Variants in ACTR8 observed in about 807,000 individuals in gnomAD.
ACTR8 encodes actin related protein 8.
ACTR8 carries 70 observed loss-of-function variants against 84.3 expected under a neutral mutation model. The ratio of observed to expected loss-of-function variants is 0.83; its 90% CI spans 0.68 to 1.01. ACTR8 has a LOEUF of 1.01. Ranked by LOEUF, ACTR8 falls within the 50% of genes least tolerant of loss-of-function variation. The probability of loss-of-function intolerance (pLI) is 0.00; values close to 1 mark genes in which losing one functional copy is unlikely to be tolerated. For missense variants in ACTR8, 672 were observed against 775.4 expected (o/e 0.87, Z 1.58); for synonymous variants, 268 against 275.2 (o/e 0.97, Z 0.26).
At chr3:53,879,486 A>T (rs1559795601) in intron 2 of ACTR8, among the ~76,000 whole-genome samples, 1 of 150,798 alleles carries the variant, frequency 6.6e-6, no homozygotes, top group Non-Finnish European at 1.5e-5. Context: ...CTGCAAGAAA[A>T]TTTTTTTTTT....
At chr3:53,869,095 C>A (rs1699844219) in intron 12 of ACTR8, among the ~76,000 whole-genome samples, 1 of 152,214 alleles carries the variant, frequency 6.6e-6, no homozygotes, top group Non-Finnish European at 1.5e-5. Context: ...TCCTGGCTAA[C>A]ACGGTGGAAT....
rs1057233167 is a variant in ACTR8, at chr3:53,868,662, A to T, written c.*57T>A. 4.4e-6 allele frequency: 7 copies of T among 1,591,552 alleles called. No homozygotes were observed. The African/African-American group carries it at 8.1e-5, about 18-fold the overall frequency. On this transcript the variant is annotated 3_prime_UTR_variant, in exon 13 of 13. Coordinates refer to ENST00000335754, the MANE Select transcript of ACTR8 (RefSeq NM_022899.5). ...AATTACAATACACATATTCTGTAAG[A>T]GTCTTTTATACCAAGAAGCTTGTTT...
At chr3:53,881,763 T>A (rs1225051579) in intron 1 of ACTR8, 5 of 702,408 alleles carry the variant, frequency 7.1e-6, no homozygotes, top group Non-Finnish European at 1.2e-5. Flanking sequence ...GCGGTGTCCC[T>A]GCGGGGGCTC....
rs931310408 is a variant in ACTR8, at chr3:53,868,339, C to T, written c.*380G>A. Reference sequence around the variant, plus strand: ...ATGGCATGAGTGGACAGTTCTCCCTCGTCACATACTATCCCTCATGGTTGC... The same window carrying T: ...ATGGCATGAGTGGACAGTTCTCCCTTGTCACATACTATCCCTCATGGTTGC... On this transcript the variant is annotated 3_prime_UTR_variant, in exon 13 of 13. Transcript: ENST00000335754. The T allele has an allele frequency of 2.3e-5, 4 of 171,406 alleles. No homozygotes were observed. Among genetic ancestry groups the T allele is most frequent in the Non-Finnish European group, 4.9e-5 (4 of 81,042 alleles). The allele number at this position is 171,406 out of a possible 1,614,324, so 10.6% of individuals were successfully genotyped here. A position where few individuals can be genotyped will look rare whatever the true frequency, so the allele number is the denominator to read the frequency against.
intron 8 of ACTR8, among the ~76,000 whole-genome samples, chr3:53,873,532 A>G (rs1327510877): frequency 6.6e-6 from 1 of 152,222 alleles, no homozygotes; most frequent in Non-Finnish European, 1.5e-5. Context: ...TTAAACATTG[A>G]TTGTTTGCAA....
intron 2 of ACTR8, among the ~76,000 whole-genome samples, chr3:53,879,393 G>A (rs1015335356): frequency 6.6e-6 from 1 of 152,128 alleles, no homozygotes; most frequent in Non-Finnish European, 1.5e-5. Flanking sequence ...TGTGGATTAT[G>A]ATGTAATATA....
chr3:53,867,765 C>A lies in ACTR8; in HGVS notation c.*954G>T. 1 of 152,340 alleles carries A rather than the reference C, an allele frequency of 6.6e-6. No homozygotes were observed. Among genetic ancestry groups the A allele is most frequent in the Non-Finnish European group, 1.5e-5 (1 of 68,056 alleles). The allele number at this position is 152,340 out of a possible 1,614,324, so 9.4% of individuals were successfully genotyped here. A position where few individuals can be genotyped will look rare whatever the true frequency, so the allele number is the denominator to read the frequency against. ...CAGAGGGCTTCACCAGAGCCTGGACCACCAGTGGTAATAGCTGCATTATTT... is the reference window on the plus strand; with the variant it reads ...CAGAGGGCTTCACCAGAGCCTGGACAACCAGTGGTAATAGCTGCATTATTT... On this transcript the variant is annotated 3_prime_UTR_variant, in exon 13 of 13. Transcript: ENST00000335754.
At chr3:53,866,324 C>T (rs531648233), downstream of ACTR8, among the ~76,000 whole-genome samples, 11 of 152,014 alleles carry the variant, frequency 7.2e-5, no homozygotes, top group African/African-American at 2.2e-4. Flanking sequence ...GTCAAGGGTG[C>T]AGTAAACGGT....
Position 53,882,032 on chromosome 3 carries a change from G to A in ACTR8, c.70C>T (p.Arg24Cys). The A allele has an allele frequency of 6.4e-7, 1 of 1,551,788 alleles. No homozygotes were observed. The highest frequency in any genetic ancestry group is 8.7e-7 in the Non-Finnish European group (1 of 1,146,960). ...GGCACGATGGGCCGCTTCACGCCGC[G>A]CTGCTCCTTCTCCTTCTCGCCGCCC... ...EKGGEKEKEQ[R>C]GVKRPIVPAL... Residue 24 changes from arginine (R) to cysteine (C), a missense_variant, in exon 1 of 13, where the codon CGC (arginine) becomes TGC (cysteine). Coordinates refer to ENST00000335754, the MANE Select transcript of ACTR8 (RefSeq NM_022899.5).
At position 53,874,230 on chromosome 3, in the gene ACTR8, G is replaced by A. The variant is rs1029271532; in HGVS notation, c.1046C>T (p.Thr349Ile). 1 of 1,613,290 alleles carries A rather than the reference G, an allele frequency of 6.2e-7. No homozygotes were observed. Among genetic ancestry groups the A allele is most frequent in the Non-Finnish European group, 8.5e-7 (1 of 1,179,740 alleles). Reference sequence around the variant, plus strand: ...TCCCACCTGATCTAAATGACAAAAAGTTTCTTTAAGGTGTTGCAGAAGAAG... The same window carrying A: ...TCCCACCTGATCTAAATGACAAAAAATTTCTTTAAGGTGTTGCAGAAGAAG... ...DCLLLQHLKE[T>I]FCHLDQDISG... is the part of the protein sequence containing the mutation. Residue 349 changes from threonine (T) to isoleucine (I), a missense_variant, in exon 8 of 13, where the codon ACT becomes ATT. Physicochemically the swap from Thr to Ile is moderately conservative, Grantham distance 89. Coordinates refer to ENST00000335754, the MANE Select transcript of ACTR8 (RefSeq NM_022899.5).
At chr3:53,872,989 A>G (rs1428449547) in intron 9 of ACTR8, 43 bp downstream of exon 9, 2 of 1,443,640 alleles carry the variant, frequency 1.4e-6, no homozygotes, top group African/African-American at 1.4e-5. Context: ...TTGAACCTGG[A>G]TAACTTTCTT....
chr3:53,877,668 A>C lies in ACTR8; in HGVS notation c.489T>G (p.Pro163=), dbSNP rs1333595263. ...TTACCTCTTCTCCTACTAAATACTCAGGGTGATGAGATGTGTTTGTCCACT... is the reference window on the plus strand; with the variant it reads ...TTACCTCTTCTCCTACTAAATACTCCGGGTGATGAGATGTGTTTGTCCACT... ...GNKWTNTSHH[P]EYLVGEEALY... is the part of the protein sequence containing the mutation. Residue 163 remains proline (P), a synonymous_variant, in exon 4 of 13, where the codon CCT becomes CCG. Coordinates refer to ENST00000335754, the MANE Select transcript of ACTR8 (RefSeq NM_022899.5). 1.2e-6 allele frequency: 2 copies of C among 1,613,810 alleles called. No individual in the cohort carries two copies. The highest frequency in any genetic ancestry group is 1.7e-6 in the Non-Finnish European group (2 of 1,179,732).
chr3:53,868,580 T>C lies in ACTR8; in HGVS notation c.*139A>G. ...ATATTTTCAAACCAATGTCATGTCC[T>C]CAACATAAAGTTCAAATTCATTTAC... On this transcript the variant is annotated 3_prime_UTR_variant, in exon 13 of 13. Coordinates refer to ENST00000335754, the MANE Select transcript of ACTR8 (RefSeq NM_022899.5). 7.6e-7 allele frequency: 1 copy of C among 1,318,252 alleles called. No individual in the cohort carries two copies. Among genetic ancestry groups the C allele is most frequent in the South Asian group, 1.5e-5 (1 of 64,860 alleles). The allele number at this position is 1,318,252 out of a possible 1,614,324, so 81.7% of individuals were successfully genotyped here.
the ACTR8 span, among the ~76,000 whole-genome samples, chr3:53,861,941 A>G: frequency 6.6e-6 from 1 of 152,188 alleles, no homozygotes; most frequent in Non-Finnish European, 1.5e-5. Context: ...GCTTTGTACA[A>G]ATGCAATTGG....
Position 53,877,303 on chromosome 3 carries a change from C to T in ACTR8, c.595G>A (p.Gly199Ser), listed in dbSNP as rs113086993. 3 of 1,613,878 alleles carry T rather than the reference C, an allele frequency of 1.9e-6. No individual in the cohort carries two copies. The change falls in exon 5 of 13, where the codon GGC becomes AGC. Residue 199 changes from glycine (G) to serine (S), a missense_variant. Physicochemically the swap from Gly to Ser is moderately conservative, Grantham distance 56. Coordinates refer to ENST00000335754, the MANE Select transcript of ACTR8 (RefSeq NM_022899.5). ...TCTGCCAGAACAGCTGTAAGAGAGC[C>T]CCCAGGGCCTGGGTGAATATTTAAC... ...GQLNIHPGPG[G>S]SLTAVLADIE...
the ACTR8 span, chr3:53,860,147 G>A: frequency 6.2e-7 from 1 of 1,614,008 alleles, no homozygotes; most frequent in Admixed American, 1.7e-5. Flanking sequence ...CAAGCCGGGA[G>A]GCTGGCTGCC....
At chr3:53,868,931 G>C in intron 12 of ACTR8, 69 bp from the exon 13 acceptor site, 1 of 1,543,540 alleles carries the variant, frequency 6.5e-7, no homozygotes, top group Non-Finnish European at 8.8e-7. Flanking sequence ...ACTTGAATAT[G>C]GGGCCGAGAA....
chr3:53,869,236 G>A (rs977499684), intron 12 of ACTR8, among the ~76,000 whole-genome samples: 7 of 152,022 alleles, frequency 4.6e-5, no homozygotes, highest in African/African-American at 1.2e-4. Flanking sequence ...AGCCAAGATC[G>A]CGCCACTGCA....
rs9859937 is a variant in ACTR8, at chr3:53,870,779, C to T, written c.1567+453G>A. On this transcript the variant is annotated intron_variant, in intron 11 of 12. Transcript: ENST00000335754. The surrounding 1 kb of genome is among the most constrained non-coding windows in gnomAD (Gnocchi z 4.1). ...TCTTCACAGGCTTCTTCCTCTACCC[C>T]ATCTGTGACTGCTAACTGACCCCTT... Among the ~76,000 whole-genome samples the T allele has an allele frequency of 6.6e-6, 1 of 152,196 alleles. No individual in the cohort carries two copies. The highest frequency in any genetic ancestry group is 1.5e-5 in the Non-Finnish European group (1 of 68,032).
Sources: gnomAD v4.1 joint callset for allele counts (sites outside exome capture counted in the v4.1 genomes callset) on GRCh38, gnomAD v4.1.1 for gene constraint, Gnocchi (gnomAD v3.1) non-coding constraint, MANE v1.5 for transcripts, NCBI Gene and HGNC (gene_info 2026-07-23, HGNC 2026-07-21) for gene names.